The following GRIN2C variants were observed in gnomAD, a reference collection of about 807,000 sequenced individuals.
The protein encoded by GRIN2C is glutamate ionotropic receptor NMDA type subunit 2C, also known as glutamate receptor ionotropic, NMDA 2C.
A neutral mutation model predicts 77.7 loss-of-function variants in GRIN2C; 64 were observed. The observed-to-expected ratio is 0.82, with a 90% confidence interval of 0.67 to 1.01. GRIN2C has a LOEUF of 1.01. Ranked by LOEUF, GRIN2C falls within the 50% of genes least tolerant of loss-of-function variation. The pLI is 0.00. For synonymous variants in GRIN2C, 792 were observed against 643.4 expected (o/e 1.23, Z -3.49); for missense variants, 1,549 against 1,486.0 (o/e 1.04, Z -0.70).
chr17:74,850,761 GC>G lies in GRIN2C; in HGVS notation c.1119del (p.Arg374AlafsTer9). On this transcript the variant is annotated frameshift_variant, in exon 5 of 13. Coordinates refer to ENST00000293190, the MANE Select transcript of GRIN2C (RefSeq NM_000835.6). LOFTEE classifies it high-confidence loss of function. This position sits in a 1 kb window ranked among gnomAD's most constrained non-coding sequence, Gnocchi z 5.3. ...LNRHRLWEMVGRWEHGVLYMK... is the reference protein window; with the variant it reads ...LNRHRLWEMVXRWEHGVLYMK... ...ATGTATAGGACGCCATGCTCCCAGC[GC>G]CCCACCTGTGGAGGGTGACAGCCTC... The G allele has an allele frequency of 6.2e-7, 1 of 1,610,838 alleles. No individual in the cohort carries two copies. Among genetic ancestry groups the G allele is most frequent in the Non-Finnish European group, 8.5e-7 (1 of 1,178,924 alleles).
In GRIN2C at chr17:74,849,752, A is replaced by G. The variant is rs775823808; in HGVS notation, c.1645+28T>C. 7 of 1,597,212 alleles carry G rather than the reference A, an allele frequency of 4.4e-6. No homozygotes were observed. The highest frequency in any genetic ancestry group is 1.4e-5 in the African/African-American group (1 of 73,800). ...TCCTCGTGGGCCCCTCTGCCCCCGG[A>G]GCCGTCTCTGCCCACCCTGGGCCTC... On this transcript the variant is annotated intron_variant, in intron 7 of 12. Transcript: ENST00000293190. The surrounding 1 kb of genome is among the most constrained non-coding windows in gnomAD (Gnocchi z 4.6).
rs1347773560 is a variant in GRIN2C at position 74,847,395 on chromosome 17, G to A, written c.1914C>T (p.Ile638=). ...GGTTGGCCGTGTAGCTGGCGAGGAA[G>A]ATGACAGCAAAGAAGGCCCAGACCA... The part of the protein sequence containing the change: ...MVLVWAFFAV[I]FLASYTANLA... The change falls in exon 9 of 13, where the codon ATC becomes ATT. Residue 638 remains isoleucine, a synonymous_variant. Coordinates refer to ENST00000293190, the MANE Select transcript of GRIN2C (RefSeq NM_000835.6). This position sits in a 1 kb window ranked among gnomAD's most constrained non-coding sequence, Gnocchi z 5.2. 2 of 1,614,086 alleles carry A rather than the reference G, an allele frequency of 1.2e-6. No homozygotes were observed. Among genetic ancestry groups the A allele is most frequent in the Non-Finnish European group, 1.7e-6 (2 of 1,180,010 alleles).
intron 4 of GRIN2C, 137 bp downstream of exon 4, chr17:74,851,438 GAT>G: frequency 1.6e-6 from 1 of 612,252 alleles, no homozygotes; most frequent in Non-Finnish European, 3.0e-6. Flanking sequence ...CAGTGGAGGA[GAT>G]GTTTGTTTCA....
chr17:74,842,129 C>T lies in GRIN2C; in HGVS notation c.*306G>A. The T allele has an allele frequency of 2.8e-6, 1 of 358,268 alleles. No individual in the cohort carries two copies. Among genetic ancestry groups the T allele is most frequent in the Admixed American group, 5.0e-5 (1 of 19,994 alleles). The allele number at this position is 358,268 out of a possible 1,614,324, so 22.2% of individuals were successfully genotyped here. A position where few individuals can be genotyped will look rare whatever the true frequency, so the allele number is the denominator to read the frequency against. On this transcript the variant is annotated 3_prime_UTR_variant, in exon 13 of 13. Coordinates refer to ENST00000293190, the MANE Select transcript of GRIN2C (RefSeq NM_000835.6). ...TGCCTCAACCACAAGTTCCAGCCTC[C>T]ATGCCCACAGCAGCCATGACCAGTA... is the stretch of plus-strand genomic sequence containing the variant.
rs1266631619 is a variant in GRIN2C, at chr17:74,842,998, G to GGGGCTCCGA, written c.3138_3139insTCGGAGCCC (p.Phe1046_Pro1047insSerGluPro). ...AGCAGCGGCAGGTCCTCCAGCTCCG[G>GGGGCTCCGA]GAAGAGCGGGAGGAAGGGGCGGCCG... On this transcript the variant is annotated inframe_insertion, in exon 13 of 13. Coordinates refer to ENST00000293190, the MANE Select transcript of GRIN2C (RefSeq NM_000835.6). 3.8e-6 allele frequency: 2 copies of GGGGCTCCGA among 520,074 alleles called. No individual in the cohort carries two copies. The highest frequency in any genetic ancestry group is 3.5e-5 in the East Asian group (1 of 28,438). The allele number at this position is 520,074 out of a possible 1,614,324, so 32.2% of individuals were successfully genotyped here. A position where few individuals can be genotyped will look rare whatever the true frequency, so the allele number is the denominator to read the frequency against.
At position 74,855,072 on chromosome 17, in the gene GRIN2C, C is replaced by G; in HGVS notation, c.21G>C (p.Pro7=). 6.3e-7 allele frequency: 1 copy of G among 1,591,408 alleles called. No homozygotes were observed. The highest frequency in any genetic ancestry group is 2.2e-5 in the East Asian group (1 of 44,774). MGGALG[P]ALLLTSLFGA... ...CGAAGAGCGAGGTGAGCAACAGGGC[C>G]GGCCCCAGGGCCCCACCCATGTCCA... Residue 7 remains proline, a synonymous_variant, in exon 2 of 13, where the codon CCG becomes CCC. Transcript: ENST00000293190.
rs771727270 is a variant in GRIN2C at position 74,850,267 on chromosome 17, A to G, written c.1430T>C (p.Leu477Pro). 4 of 1,613,850 alleles carry G rather than the reference A, an allele frequency of 2.5e-6. No individual in the cohort carries two copies. Among genetic ancestry groups the G allele is most frequent in the African/African-American group, 2.7e-5 (2 of 75,020 alleles). The change falls in exon 6 of 13, where the codon CTG (leucine) becomes CCG (proline). Residue 477 changes from leucine (L) to proline (P), a missense_variant. Coordinates refer to ENST00000293190, the MANE Select transcript of GRIN2C (RefSeq NM_000835.6). The surrounding 1 kb of genome is among the most constrained non-coding windows in gnomAD (Gnocchi z 5.3). ...CTTGCCATGCTTGCCGTTGGTCACCAGGTACAGGTCGTAGGAGAATTTGAC... is the reference window on the plus strand; with the variant it reads ...CTTGCCATGCTTGCCGTTGGTCACCGGGTACAGGTCGTAGGAGAATTTGAC... ...RVVKFSYDLY[L>P]VTNGKHGKRV...
In GRIN2C at chr17:74,843,087, G is replaced by A. The variant is rs2037346041; in HGVS notation, c.3050C>T (p.Ala1017Val). 2 of 456,462 alleles carry A rather than the reference G, an allele frequency of 4.4e-6. No individual in the cohort carries two copies. Among genetic ancestry groups the A allele is most frequent in the Non-Finnish European group, 7.8e-6 (2 of 256,144 alleles). The allele number at this position is 456,462 out of a possible 1,614,324, so 28.3% of individuals were successfully genotyped here. The change falls in exon 13 of 13, where the codon GCC becomes GTC. Residue 1017 changes from alanine (A) to valine (V), a missense_variant. By Grantham distance (64) the Ala-to-Val change is moderately conservative (BLOSUM62 0). This residue lies in a region of GRIN2C where 450 missense variants were observed against 267.9 expected (regional missense o/e 1.68). Coordinates refer to ENST00000293190, the MANE Select transcript of GRIN2C (RefSeq NM_000835.6). The stretch of plus-strand genomic sequence containing the variant: ...CGCGGGCGACAGGGGCCGCTCGGAG[G>A]CCGAGAGGTGCCTCCCGCAGTGCCC... ...RTGHCGRHLS[A>V]SERPLSPARC... is the part of the protein sequence containing the mutation.
chr17:74,856,343 G>C (rs1474129189), intron 1 of GRIN2C, among the ~76,000 whole-genome samples: 1 of 152,180 alleles, frequency 6.6e-6, no homozygotes, highest in Non-Finnish European at 1.5e-5. Flanking sequence ...AAATGCTCAC[G>C]AAAATCAAGC....
Position 74,854,637 on chromosome 17 carries a change from C to T in GRIN2C, c.399+57G>A, listed in dbSNP as rs776994495. On this transcript the variant is annotated intron_variant, in intron 2 of 12. Transcript: ENST00000293190. ...CAGCTTCCCAGAACCAAAGCACCCC[C>T]GACCCCAGCCTGGTTCCAGGCCTGA... is the stretch of plus-strand genomic sequence containing the variant. 51 of 1,493,342 alleles carry T rather than the reference C, an allele frequency of 3.4e-5. No homozygotes were observed. The Middle Eastern group carries it at 5.2e-4, about 15-fold the overall frequency. The allele number at this position is 1,493,342 out of a possible 1,614,324, so 92.5% of individuals were successfully genotyped here.
chr17:74,855,027 A>C lies in GRIN2C; in HGVS notation c.66T>G (p.Gly22=). The change falls in exon 2 of 13, where the codon GGT becomes GGG. Residue 22 remains glycine (G), a synonymous_variant. Transcript: ENST00000293190. ...TCATGCCCTGCTCGCCCTGCCCCGG[A>C]CCCAGCCCTGCCCAGGCACCGAAGA... ...TSLFGAWAGL[G]PGQGEQGMTV... 1 of 1,601,480 alleles carries C rather than the reference A, an allele frequency of 6.2e-7. No homozygotes were observed. The highest frequency in any genetic ancestry group is 1.1e-5 in the South Asian group (1 of 90,876).
Position 74,850,755 on chromosome 17 carries a change from C to T in GRIN2C, c.1126G>A (p.Glu376Lys). ...HRLWEMVGRW[E>K]HGVLYMKYPV... Reference sequence around the variant, plus strand: ...TACTTCATGTATAGGACGCCATGCTCCCAGCGCCCCACCTGTGGAGGGTGA... The same window carrying T: ...TACTTCATGTATAGGACGCCATGCTTCCAGCGCCCCACCTGTGGAGGGTGA... The change falls in exon 5 of 13, where the codon GAG becomes AAG. Residue 376 changes from glutamate (E) to lysine (K), a missense_variant. This residue lies in a region of GRIN2C where 717 missense variants were observed against 858.1 expected (regional missense o/e 0.84). Coordinates refer to ENST00000293190, the MANE Select transcript of GRIN2C (RefSeq NM_000835.6). This position sits in a 1 kb window ranked among gnomAD's most constrained non-coding sequence, Gnocchi z 5.3. The T allele has an allele frequency of 6.2e-7, 1 of 1,611,758 alleles. No homozygotes were observed. Among genetic ancestry groups the T allele is most frequent in the Middle Eastern group, 1.7e-4 (1 of 5,866 alleles).
intron 1 of GRIN2C, among the ~76,000 whole-genome samples, chr17:74,856,231 C>G (rs1220435110): frequency 6.6e-6 from 1 of 152,184 alleles, no homozygotes; most frequent in Non-Finnish European, 1.5e-5. Context: ...TCATCACATC[C>G]CCAGCAAAAC....
Position 74,852,114 on chromosome 17 carries a change from G to T in GRIN2C, c.897C>A (p.Gly299=). 1 of 1,460,506 alleles carries T rather than the reference G, an allele frequency of 6.8e-7. No individual in the cohort carries two copies. Among genetic ancestry groups the T allele is most frequent in the Non-Finnish European group, 9.0e-7 (1 of 1,105,268 alleles). The allele number at this position is 1,460,506 out of a possible 1,614,324, so 90.5% of individuals were successfully genotyped here. A position where few individuals can be genotyped will look rare whatever the true frequency, so the allele number is the denominator to read the frequency against. Residue 299 remains glycine, a synonymous_variant, in exon 3 of 13, where the codon GGC becomes GGA. Coordinates refer to ENST00000293190, the MANE Select transcript of GRIN2C (RefSeq NM_000835.6). ...CATGCTGGCGCCAGTAGCTGTGGGC[G>T]CCCAGGGCCAGAATGGCCACGCCGT... is the stretch of plus-strand genomic sequence containing the variant. The part of the protein sequence containing the change: ...VRDGVAILAL[G]AHSYWRQHGT...
In GRIN2C at chr17:74,854,730, G is replaced by A; in HGVS notation, c.363C>T (p.Ser121=). 1 of 1,610,710 alleles carries A rather than the reference G, an allele frequency of 6.2e-7. No individual in the cohort carries two copies. Among genetic ancestry groups the A allele is most frequent in the Non-Finnish European group, 8.5e-7 (1 of 1,177,278 alleles). ...GGACCACAGCAGAGCCTCCGCTGAT[G>A]CTGAGGATGGGCACATGGGTCTGGG... ...ISSQTHVPIL[S]ISGGSAVVLT... The change falls in exon 2 of 13, where the codon AGC becomes AGT. Residue 121 remains serine (S), a synonymous_variant. Coordinates refer to ENST00000293190, the MANE Select transcript of GRIN2C (RefSeq NM_000835.6).
Position 74,843,540 on chromosome 17 carries a change from C to T in GRIN2C, c.2597G>A (p.Cys866Tyr), listed in dbSNP as rs1244382091. The change falls in exon 13 of 13, where the codon TGC becomes TAC. Residue 866 changes from cysteine (C) to tyrosine (Y), a missense_variant. Coordinates refer to ENST00000293190, the MANE Select transcript of GRIN2C (RefSeq NM_000835.6). The stretch of plus-strand genomic sequence containing the variant: ...GGCGAGGCTCTGCACCCCGCTGAAG[C>T]AGCTGTAGATGCCCTGGGCAGTAGG... ...LLAFSRGIYS[C>Y]FSGVQSLASP... 1.3e-6 allele frequency: 2 copies of T among 1,533,128 alleles called. No individual in the cohort carries two copies. The highest frequency in any genetic ancestry group is 2.4e-5 in the East Asian group (1 of 40,892). 95.0% of individuals were successfully genotyped at this position (1,533,128 alleles called of 1,614,324 possible).
Position 74,847,107 on chromosome 17 carries a change from C to T in GRIN2C, c.2002-187G>A. 4.1e-6 allele frequency: 3 copies of T among 740,562 alleles called. No homozygotes were observed. Among genetic ancestry groups the T allele is most frequent in the Non-Finnish European group, 6.5e-6 (3 of 462,070 alleles). 45.9% of individuals were successfully genotyped at this position (740,562 alleles called of 1,614,324 possible). A position where few individuals can be genotyped will look rare whatever the true frequency, so the allele number is the denominator to read the frequency against. Reference sequence around the variant, plus strand: ...CTCTGAGGCCCAAGACAGGGAGAGACTTACCCAAGGCCTCTCAGCCGGTGG... The same window carrying T: ...CTCTGAGGCCCAAGACAGGGAGAGATTTACCCAAGGCCTCTCAGCCGGTGG... On this transcript the variant is annotated intron_variant, in intron 9 of 12. Transcript: ENST00000293190. The surrounding 1 kb of genome is among the most constrained non-coding windows in gnomAD (Gnocchi z 5.2).
In GRIN2C at chr17:74,843,349, G is replaced by T. The variant is rs2037358001; in HGVS notation, c.2788C>A (p.Pro930Thr). 1 of 1,517,078 alleles carries T rather than the reference G, an allele frequency of 6.6e-7. No homozygotes were observed. Among genetic ancestry groups the T allele is most frequent in the Non-Finnish European group, 8.8e-7 (1 of 1,133,684 alleles). The allele number at this position is 1,517,078 out of a possible 1,614,324, so 94.0% of individuals were successfully genotyped here. Residue 930 changes from proline to threonine, a missense_variant, in exon 13 of 13, where the codon CCC (proline) becomes ACC (threonine). Coordinates refer to ENST00000293190, the MANE Select transcript of GRIN2C (RefSeq NM_000835.6). Reference protein sequence around the residue: ...IENWGGGRRAPPPSPCPTPRS... With the variant: ...IENWGGGRRATPPSPCPTPRS... ...GGGGTCGGGCAGGGGGACGGTGGGG[G>T]CGCACGGCGGCCGCCACCCCAATTC... is the stretch of plus-strand genomic sequence containing the variant.
rs149632379 is a variant in GRIN2C at position 74,850,679 on chromosome 17, C to T, written c.1202G>A (p.Arg401Gln). 1.4e-3 allele frequency: 2,216 copies of T among 1,613,658 alleles called. 30 individuals carry two copies. The African/African-American group carries it at 0.027, about 20-fold the overall frequency. ...TTCCAGCGTGGCCACCGTCAGGTGC[C>T]GACTGTCCACCACAGGCTGCAGAGA... The part of the protein sequence containing the change: ...SASLQPVVDS[R>Q]HLTVATLEER... Residue 401 changes from arginine to glutamine, a missense_variant, in exon 5 of 13, where the codon CGG (arginine) becomes CAG (glutamine). Physicochemically the swap from Arg to Gln is conservative, Grantham distance 43 (BLOSUM62 1). Coordinates refer to ENST00000293190, the MANE Select transcript of GRIN2C (RefSeq NM_000835.6). This position sits in a 1 kb window ranked among gnomAD's most constrained non-coding sequence, Gnocchi z 5.3.
Sources: gnomAD v4.1 joint callset for allele counts (sites outside exome capture counted in the v4.1 genomes callset) on GRCh38, gnomAD v4.1.1 for gene constraint, gnomAD v4.1.1 regional missense constraint, Gnocchi (gnomAD v3.1) non-coding constraint, MANE v1.5 for transcripts, NCBI Gene and HGNC (gene_info 2026-07-23, HGNC 2026-07-21) for gene names.